The following GIMAP8 variants were observed in gnomAD, a reference collection of about 807,000 sequenced individuals.
The protein encoded by GIMAP8 is GTPase, IMAP family member 8, also known as GTPase IMAP family member 8.
GIMAP8 carries 29 observed loss-of-function variants against 35.6 expected under a neutral mutation model. That is an observed-to-expected ratio of 0.81 (90% CI 0.61 to 1.11). GIMAP8 has a LOEUF of 1.11. Ranked by LOEUF, GIMAP8 falls within the 50% of genes most tolerant of loss-of-function variation. The pLI, the probability that GIMAP8 is intolerant of heterozygous loss-of-function variation, is 0.00. For synonymous variants in GIMAP8, 335 were observed against 308.7 expected, an observed-to-expected ratio of 1.09 and a Z score of -0.89; for missense variants, 811 against 805.0, an observed-to-expected ratio of 1.01 and a Z score of -0.09.
At chr7:150,454,640 G>C (rs1801688996) in intron 1 of GIMAP8, among the ~76,000 whole-genome samples, 1 of 152,120 alleles carries the variant, frequency 6.6e-6, no homozygotes, top group African/African-American at 2.4e-5. Context: ...CATTCTTTTT[G>C]AGCCTACAGG....
At position 150,474,502 on chromosome 7, in the gene GIMAP8, G is replaced by A; in HGVS notation, c.1173G>A (p.Lys391=). ...SNKALYGLIQ[K]CKNRYSAFNY... The stretch of plus-strand genomic sequence containing the variant: ...AAGCTCTCTATGGTCTCATCCAGAA[G>A]TGTAAAAACAGATATAGTGCCTTCA... The change falls in exon 4 of 5, where the codon AAG becomes AAA. Residue 391 remains lysine, a synonymous_variant. Coordinates refer to ENST00000307271, the MANE Select transcript of GIMAP8 (RefSeq NM_175571.4). 6 of 1,613,856 alleles carry A rather than the reference G, an allele frequency of 3.7e-6. No individual in the cohort carries two copies. Among genetic ancestry groups the A allele is most frequent in the Non-Finnish European group, 5.1e-6 (6 of 1,179,824 alleles).
chr7:150,465,671 G>C (rs1585115544), intron 1 of GIMAP8, among the ~76,000 whole-genome samples: 1 of 152,186 alleles, frequency 6.6e-6, no homozygotes, highest in South Asian at 2.1e-4. Context: ...GTGGCTACAA[G>C]TAGAGCTGAC....
At position 150,477,504 on chromosome 7, in the gene GIMAP8, T is replaced by C. The variant is rs1327016995; in HGVS notation, c.1722T>C (p.Asn574=). The change falls in exon 5 of 5, where the codon AAT becomes AAC. Residue 574 remains asparagine (N), a synonymous_variant. Coordinates refer to ENST00000307271, the MANE Select transcript of GIMAP8 (RefSeq NM_175571.4). ...FTRKEDLGAG[N]LEDFMKNSDN... ...GGAAGGAAGACCTAGGGGCGGGGAA[T>C]TTGGAAGACTTCATGAAGAACTCAG... The C allele has an allele frequency of 6.2e-7, 1 of 1,613,984 alleles. No individual in the cohort carries two copies. Among genetic ancestry groups the C allele is most frequent in the East Asian group, 2.2e-5 (1 of 44,886 alleles).
Position 150,470,998 on chromosome 7 carries a change from G to A in GIMAP8, c.682+124G>A, listed in dbSNP as rs558305626. 68 of 744,932 alleles carry A rather than the reference G, an allele frequency of 9.1e-5. No individual in the cohort carries two copies. The South Asian group carries it at 9.3e-4, about 10-fold the overall frequency. 46.1% of individuals were successfully genotyped at this position (744,932 alleles called of 1,614,324 possible). ...AAATTCACCCTGGGGACCTAGCTGA[G>A]GTTGGTTCCCACAAGCTATCCCCTA... On this transcript the variant is annotated intron_variant, in intron 3 of 4. Coordinates refer to ENST00000307271, the MANE Select transcript of GIMAP8 (RefSeq NM_175571.4).
In GIMAP8 at chr7:150,479,258, C is replaced by T. The variant is rs186910286; in HGVS notation, c.*1478C>T. 2.0e-5 allele frequency: 3 copies of T among 152,260 alleles called. No homozygotes were observed. In the East Asian group the frequency reaches 5.8e-4, roughly 29 times the overall value. The allele number at this position is 152,260 out of a possible 1,614,324, so 9.4% of individuals were successfully genotyped here. A position where few individuals can be genotyped will look rare whatever the true frequency, so the allele number is the denominator to read the frequency against. On this transcript the variant is annotated 3_prime_UTR_variant, in exon 5 of 5. Coordinates refer to ENST00000307271, the MANE Select transcript of GIMAP8 (RefSeq NM_175571.4). ...ACAAAATTACCTGTACACCACACCC[C>T]TGTGACACACAACTTACTCATGTAA...
In GIMAP8 at chr7:150,462,932, G is replaced by C. The variant is rs1007422818; in HGVS notation, c.-28-3739G>C. Among the ~76,000 whole-genome samples, 3 of 152,208 alleles carry C rather than the reference G, an allele frequency of 2.0e-5. No individual in the cohort carries two copies. In the East Asian group the frequency reaches 5.8e-4, roughly 29 times the overall value. On this transcript the variant is annotated intron_variant, in intron 1 of 4. Coordinates refer to ENST00000307271, the MANE Select transcript of GIMAP8 (RefSeq NM_175571.4). ...CTATTATTTATTACATAGATTTTCT[G>C]TGACTTTTCCCATCTTGTATCTTTC...
chr7:150,452,545 C>T (rs1801628750), intron 1 of GIMAP8, among the ~76,000 whole-genome samples: 1 of 143,324 alleles, frequency 7.0e-6, no homozygotes, highest in Admixed American at 6.8e-5. Context: ...ACAGAGACAT[C>T]TCACTTCACT....
At position 150,477,789 on chromosome 7, in the gene GIMAP8, A is replaced by C; in HGVS notation, c.*9A>C. 6.2e-7 allele frequency: 1 copy of C among 1,606,386 alleles called. No individual in the cohort carries two copies. The highest frequency in any genetic ancestry group is 8.5e-7 in the Non-Finnish European group (1 of 1,175,346). On this transcript the variant is annotated 3_prime_UTR_variant, in exon 5 of 5. Transcript: ENST00000307271. ...TAGGTATTTTACAATAGGTAGCCGAAGTGCCTGGGGTCTCTTCAATTAGAG... is the reference window on the plus strand; with the variant it reads ...TAGGTATTTTACAATAGGTAGCCGACGTGCCTGGGGTCTCTTCAATTAGAG...
At position 150,478,106 on chromosome 7, in the gene GIMAP8, A is replaced by AAGG; in HGVS notation, c.*326_*327insAGG. On this transcript the variant is annotated 3_prime_UTR_variant, in exon 5 of 5. Transcript: ENST00000307271. ...TAGGTAGGTTGGAATCAGGATAGAC[A>AAGG]CTGTGATCAAGGCTGAGGCCACCTG... 1 of 327,640 alleles carries AAGG rather than the reference A, an allele frequency of 3.1e-6. No individual in the cohort carries two copies. Among genetic ancestry groups the AAGG allele is most frequent in the Non-Finnish European group, 5.6e-6 (1 of 177,672 alleles). The allele number at this position is 327,640 out of a possible 1,614,324, so 20.3% of individuals were successfully genotyped here. A position where few individuals can be genotyped will look rare whatever the true frequency, so the allele number is the denominator to read the frequency against.
At chr7:150,468,830 T>C (rs950887456) in intron 2 of GIMAP8, among the ~76,000 whole-genome samples, 3 of 152,088 alleles carry the variant, frequency 2.0e-5, no homozygotes, top group African/African-American at 7.2e-5. Flanking sequence ...AGACATAAAC[T>C]AATTAAGTCC....
chr7:150,469,713 A>G (rs75908713), intron 2 of GIMAP8, among the ~76,000 whole-genome samples: 1 of 140,384 alleles, frequency 7.1e-6, no homozygotes, highest in African/African-American at 2.9e-5. Context: ...CCCTGGAAAT[A>G]AAAAAAAAAA....
intron 3 of GIMAP8, among the ~76,000 whole-genome samples, chr7:150,473,159 C>T (rs1802133313): frequency 6.6e-6 from 1 of 152,118 alleles, no homozygotes; most frequent in Admixed American, 6.5e-5. Context: ...GAGAAAGCTC[C>T]CTGCAGTTGC....
intron 4 of GIMAP8, among the ~76,000 whole-genome samples, chr7:150,476,660 A>C (rs1400818392): frequency 6.6e-6 from 1 of 152,258 alleles, no homozygotes; most frequent in Non-Finnish European, 1.5e-5. Context: ...AGTTAGCAGT[A>C]GTTGGGAGTG....
rs547695733 is a variant in GIMAP8 at position 150,474,457 on chromosome 7, G to A, written c.1128G>A (p.Thr376=). 253 of 1,613,728 alleles carry A rather than the reference G, an allele frequency of 1.6e-4. No individual in the cohort carries two copies. The highest frequency in any genetic ancestry group is 1.9e-4 in the Non-Finnish European group (223 of 1,179,778). Residue 376 remains threonine (T), a synonymous_variant, in exon 4 of 5, where the codon ACG becomes ACA. Coordinates refer to ENST00000307271, the MANE Select transcript of GIMAP8 (RefSeq NM_175571.4). ...KEDLGDQDLD[T]FLRNSNKALY... ...ATTTAGGGGATCAGGATCTAGATAC[G>A]TTCTTAAGAAACAGCAATAAAGCTC...
At position 150,478,004 on chromosome 7, in the gene GIMAP8, G is replaced by C; in HGVS notation, c.*224G>C. On this transcript the variant is annotated 3_prime_UTR_variant, in exon 5 of 5. Transcript: ENST00000307271. ...AAGGAGAAAGAAGATACAAGGTGGG[G>C]AAATCTGGAAAAAGATTTCAGACAT... 1 of 542,744 alleles carries C rather than the reference G, an allele frequency of 1.8e-6. No homozygotes were observed. The highest frequency in any genetic ancestry group is 2.9e-5 in the East Asian group (1 of 34,094). 33.6% of individuals were successfully genotyped at this position (542,744 alleles called of 1,614,324 possible).
chr7:150,461,281 C>A (rs1156339901), intron 1 of GIMAP8, among the ~76,000 whole-genome samples: 3 of 152,186 alleles, frequency 2.0e-5, no homozygotes, highest in Admixed American at 1.3e-4. Flanking sequence ...TATGTTTCTT[C>A]ATTAATTTCC....
chr7:150,472,333 G>A lies in GIMAP8; in HGVS notation c.682+1459G>A, dbSNP rs563303740. 1.3e-5 allele frequency among the ~76,000 whole-genome samples: 2 copies of A among 152,364 alleles called. No individual in the cohort carries two copies. Among genetic ancestry groups the A allele is most frequent in the Admixed American group, 1.3e-4 (2 of 15,306 alleles). On this transcript the variant is annotated intron_variant, in intron 3 of 4. Transcript: ENST00000307271. This position sits in a 1 kb window ranked among gnomAD's most constrained non-coding sequence, Gnocchi z 4.1. ...TTTGAATAATTCTTCTGTCCAAGGTGACAAGGGTGGAACGAGGCTAAAGCC... is the reference window on the plus strand; with the variant it reads ...TTTGAATAATTCTTCTGTCCAAGGTAACAAGGGTGGAACGAGGCTAAAGCC...
chr7:150,464,594 G>A (rs1801911238), intron 1 of GIMAP8, among the ~76,000 whole-genome samples: 1 of 152,156 alleles, frequency 6.6e-6, no homozygotes, highest in Admixed American at 6.5e-5. Context: ...CGAGGCAGGA[G>A]ATGACTTGAG....
chr7:150,466,668 C>T lies in GIMAP8; in HGVS notation c.-28-3C>T. ...ATTAATGTGTTGTTTTCTGTCCCAA[C>T]AGAACAAGCGGGAGCCTGTGTCAGG... On this transcript the variant is annotated splice_polypyrimidine_tract_variant and splice_region_variant and intron_variant, in intron 1 of 4. Transcript: ENST00000307271. 6.2e-7 allele frequency: 1 copy of T among 1,605,190 alleles called. No individual in the cohort carries two copies. Among genetic ancestry groups the T allele is most frequent in the South Asian group, 1.1e-5 (1 of 90,040 alleles).
Sources: gnomAD v4.1 joint callset for allele counts (sites outside exome capture counted in the v4.1 genomes callset) on GRCh38, gnomAD v4.1.1 for gene constraint, Gnocchi (gnomAD v3.1) non-coding constraint, MANE v1.5 for transcripts, NCBI Gene and HGNC (gene_info 2026-07-23, HGNC 2026-07-21) for gene names.